Variants in APOL4 observed in about 807,000 individuals in gnomAD.
APOL4 encodes the protein apolipoprotein L, 4.
A neutral mutation model predicts 12.1 loss-of-function variants in APOL4; 14 were observed. The observed-to-expected ratio is 1.16, with a 90% CI of 0.76 to 1.81. APOL4 has a LOEUF of 1.81. Ranked by LOEUF, APOL4 falls within the 40% of genes most tolerant of loss-of-function variation. The pLI is 0.00. For missense variants in APOL4, 432 were observed against 423.1 expected, an observed-to-expected ratio of 1.02 and a Z score of -0.18; for synonymous variants, 171 against 160.6, an observed-to-expected ratio of 1.06 and a Z score of -0.49.
intron 3 of APOL4, 58 bp downstream of exon 3, chr22:36,195,252 CG>C: frequency 6.3e-7 from 1 of 1,574,820 alleles, no homozygotes. Flanking sequence ...AAAACTAGCC[CG>C]GGGAGATCTG....
At chr22:36,202,833 T>C (rs2014626438), upstream of APOL4, among the ~76,000 whole-genome samples, 1 of 152,154 alleles carries the variant, frequency 6.6e-6, no homozygotes, top group African/African-American at 2.4e-5. Flanking sequence ...ATCAGGTTTC[T>C]GAGAGGGGAA....
intron 3 of APOL4, among the ~76,000 whole-genome samples, chr22:36,193,473 C>T (rs927343502): frequency 5.3e-5 from 8 of 152,164 alleles, no homozygotes; most frequent in African/African-American, 1.9e-4. Context: ...CAACTGAAAC[C>T]CTCTCAGACT....
intron 3 of APOL4, among the ~76,000 whole-genome samples, chr22:36,193,735 A>C (rs1022837491): frequency 6.6e-6 from 1 of 152,314 alleles, no homozygotes; most frequent in South Asian, 2.1e-4. Flanking sequence ...TTTGCCTGGC[A>C]TGTTCTCTCT....
chr22:36,202,080 G>T, upstream of APOL4: 1 of 1,613,444 alleles, frequency 6.2e-7, no homozygotes, highest in South Asian at 1.1e-5. Context: ...GAGGGGTTGA[G>T]ACAGTGTGCT....
chr22:36,196,706 G>A (rs141581737), intron 2 of APOL4, among the ~76,000 whole-genome samples: 1 of 152,258 alleles, frequency 6.6e-6, no homozygotes, highest in Non-Finnish European at 1.5e-5. Flanking sequence ...TCATACGTGC[G>A]AGGCCTCATT....
upstream of APOL4, among the ~76,000 whole-genome samples, chr22:36,202,697 G>C (rs1431310503): frequency 6.6e-6 from 1 of 150,560 alleles, no homozygotes; most frequent in Non-Finnish European, 1.5e-5. Flanking sequence ...CTGCACTCCA[G>C]CCTGGGCAAC....
chr22:36,197,538 AT>A, intron 2 of APOL4: 1 of 1,386,798 alleles, frequency 7.2e-7, no homozygotes, highest in Non-Finnish European at 9.4e-7. Flanking sequence ...GACCTGAAAC[AT>A]TCCCGGGCAA....
intron 2 of APOL4, 21 bp downstream of exon 2, chr22:36,199,309 C>G: frequency 6.2e-7 from 1 of 1,614,168 alleles, no homozygotes; most frequent in Non-Finnish European, 8.5e-7. Context: ...CTACCAGCAG[C>G]CAGGTCTCTG....
intron 3 of APOL4, 47 bp downstream of exon 3, chr22:36,195,264 G>A (rs765733482): frequency 1.9e-6 from 3 of 1,593,374 alleles, no homozygotes; most frequent in Non-Finnish European, 2.6e-6. Context: ...GGGAGATCTG[G>A]GTGGCATCAC....
chr22:36,199,254 C>T, intron 2 of APOL4, 76 bp downstream of exon 2: 1 of 1,582,530 alleles, frequency 6.3e-7, no homozygotes, highest in East Asian at 2.2e-5. Context: ...CACCACCCTC[C>T]ATTCTAGCTG....
upstream of APOL4, among the ~76,000 whole-genome samples, chr22:36,203,422 TAGA>T (rs2014641715): frequency 6.6e-6 from 1 of 152,182 alleles, no homozygotes; most frequent in East Asian, 1.9e-4. Flanking sequence ...CATTCGTATG[TAGA>T]AGTACAGTGC....
intron 3 of APOL4, 138 bp downstream of exon 3, chr22:36,195,173 T>G: frequency 8.9e-7 from 1 of 1,127,994 alleles, no homozygotes. Context: ...ATATTCTTCC[T>G]GCACTGCTGA....
chr22:36,197,619 G>T (rs1269505338), intron 2 of APOL4: 42 of 1,534,686 alleles, frequency 2.7e-5, no homozygotes, highest in Non-Finnish European at 3.3e-5. Flanking sequence ...TCTGAACTGG[G>T]GTCATATCAG....
At position 36,189,936 on chromosome 22, in the gene APOL4, C is replaced by G. The variant is rs1181192927; in HGVS notation, c.*1139G>C. 4.9e-6 allele frequency: 1 copy of G among 204,210 alleles called. No homozygotes were observed. 12.6% of individuals were successfully genotyped at this position (204,210 alleles called of 1,614,324 possible). On this transcript the variant is annotated 3_prime_UTR_variant, in exon 4 of 4. Transcript: ENST00000683024. ...CCCCTAAAAAATGTCTGCGTTTTGTCCCGGCCTGTGTCTGGCTCACCTTCC... is the reference window on the plus strand; with the variant it reads ...CCCCTAAAAAATGTCTGCGTTTTGTGCCGGCCTGTGTCTGGCTCACCTTCC...
At chr22:36,193,449 AC>A (rs1442515458) in intron 3 of APOL4, among the ~76,000 whole-genome samples, 5 of 152,216 alleles carry the variant, frequency 3.3e-5, no homozygotes, top group African/African-American at 4.8e-5. Context: ...CCTCCTGAGG[AC>A]AATGAAGCTT....
In APOL4 at chr22:36,191,753, A is replaced by T; in HGVS notation, c.369T>A (p.Leu123=). Residue 123 remains leucine (L), a synonymous_variant, in exon 4 of 4, where the codon CTT becomes CTA. Coordinates refer to ENST00000683024, the MANE Select transcript of APOL4 (RefSeq NM_001386885.1). ...TTTCAATCTCATTTGCAATGACACG[A>T]AGCCTTTCTATGGACTCCTGAATCT... ...RWKIQESIER[L]RVIANEIEKV... The T allele has an allele frequency of 6.2e-7, 1 of 1,613,996 alleles. No homozygotes were observed. Among genetic ancestry groups the T allele is most frequent in the East Asian group, 2.2e-5 (1 of 44,882 alleles).
chr22:36,199,446 C>T (rs949888293), intron 1 of APOL4, 70 bp from the exon 2 acceptor site: 96 of 1,613,104 alleles, frequency 6.0e-5, no homozygotes, highest in Non-Finnish European at 8.0e-5. Flanking sequence ...GCTTGAACAG[C>T]TGGGCCTCTG....
At position 36,191,447 on chromosome 22, in the gene APOL4, A is replaced by G. The variant is rs2014245259; in HGVS notation, c.675T>C (p.Asn225=). 3 of 1,614,066 alleles carry G rather than the reference A, an allele frequency of 1.9e-6. No homozygotes were observed. Among genetic ancestry groups the G allele is most frequent in the Non-Finnish European group, 1.7e-6 (2 of 1,179,896 alleles). Residue 225 remains asparagine, a synonymous_variant, in exon 4 of 4, where the codon AAT becomes AAC. Transcript: ENST00000683024. The part of the protein sequence containing the change: ...LRDILRDITP[N]VLSFALDFDE... Reference sequence around the variant, plus strand: ...CAAAATCAAGTGCAAAAGAAAGCACATTGGGTGTGATGTCACGCAGAATGT... The same window carrying G: ...CAAAATCAAGTGCAAAAGAAAGCACGTTGGGTGTGATGTCACGCAGAATGT...
At chr22:36,198,077 C>A (rs2014465370) in intron 2 of APOL4, among the ~76,000 whole-genome samples, 1 of 152,204 alleles carries the variant, frequency 6.6e-6, no homozygotes, top group South Asian at 2.1e-4. Flanking sequence ...TCAGAAACCC[C>A]AAACCCCACT....
Sources: gnomAD v4.1 joint callset for allele counts (sites outside exome capture counted in the v4.1 genomes callset) on GRCh38, gnomAD v4.1.1 for gene constraint, MANE v1.5 for transcripts, NCBI Gene and HGNC (gene_info 2026-07-23, HGNC 2026-07-21) for gene names.